Variants in THSD7B observed in about 807,000 individuals in gnomAD.
The protein encoded by THSD7B is thrombospondin type-1 domain-containing protein 7B.
A neutral mutation model predicts 213.6 loss-of-function variants in THSD7B; 138 were observed. The observed-to-expected ratio is 0.65, with a 90% CI of 0.56 to 0.74. The LOEUF is 0.74. Among genes scored for constraint, THSD7B ranks in the 30% least tolerant of loss-of-function variants. THSD7B has a pLI of 0.00. For synonymous variants in THSD7B, 742 were observed against 687.0 expected (o/e 1.08, Z -1.25); for missense variants, 1,931 against 1,991.5 (o/e 0.97, Z 0.58).
intron 2 of THSD7B, among the ~76,000 whole-genome samples, chr2:136,993,573 A>C (rs1345921632): frequency 6.6e-6 from 1 of 152,260 alleles, no homozygotes; most frequent in East Asian, 1.9e-4. Context: ...CACTCAGTAC[A>C]TCAGTACATA....
chr2:137,258,199 G>A (rs992221668), intron 10 of THSD7B, among the ~76,000 whole-genome samples: 3 of 152,102 alleles, frequency 2.0e-5, no homozygotes, highest in African/African-American at 4.8e-5. Context: ...ATCCAACTAC[G>A]TTATGGCTTT....
intron 14 of THSD7B, among the ~76,000 whole-genome samples, chr2:137,425,084 AATAATAATAATAATG>A (rs1191564757): frequency 2.4e-4 from 22 of 91,258 alleles, no homozygotes; most frequent in African/African-American, 6.2e-4. Context: ...AAATAATAAT[AATAATAATAATAATG>A]ATAATAATAA....
rs773458822 is a variant in THSD7B at position 136,779,196 on chromosome 2, A to ATG, written c.-36+13510_-36+13511insGT. Among the ~76,000 whole-genome samples the ATG allele has an allele frequency of 5.0e-3, 675 of 134,354 alleles. 3 individuals carry two copies. The highest frequency in any genetic ancestry group is 7.4e-3 in the Middle Eastern group (2 of 270). 88.1% of individuals were successfully genotyped at this position (134,354 alleles called of 152,430 possible). A position where few individuals can be genotyped will look rare whatever the true frequency, so the allele number is the denominator to read the frequency against. On this transcript the variant is annotated intron_variant, in intron 1 of 27. Coordinates refer to ENST00000409968, the MANE Select transcript of THSD7B (RefSeq NM_001316349.2). ...ACACGTGTTAAAAGGCTATATATATATATGTGTGTGTGTGTGTGTGTGTGT... is the reference window on the plus strand; with the variant it reads ...ACACGTGTTAAAAGGCTATATATATATGTATGTGTGTGTGTGTGTGTGTGTGT...
intron 14 of THSD7B, among the ~76,000 whole-genome samples, chr2:137,413,848 G>C (rs905773642): frequency 3.9e-5 from 6 of 152,132 alleles, no homozygotes; most frequent in Non-Finnish European, 7.4e-5. Context: ...ACTTAAAAGG[G>C]GGAAGGAAGC....
At chr2:137,617,687 G>T (rs1682432541) in intron 18 of THSD7B, among the ~76,000 whole-genome samples, 1 of 152,124 alleles carries the variant, frequency 6.6e-6, no homozygotes, top group African/African-American at 2.4e-5. Flanking sequence ...ATAACAAATT[G>T]CTATAGACTA....
chr2:137,075,117 A>G (rs982466886), intron 3 of THSD7B, among the ~76,000 whole-genome samples: 8 of 151,876 alleles, frequency 5.3e-5, no homozygotes, highest in African/African-American at 1.9e-4. Context: ...TATTTCCTGG[A>G]TTTGAATGTT....
chr2:137,122,633 A>G (rs1377269986), intron 5 of THSD7B, among the ~76,000 whole-genome samples: 1 of 152,144 alleles, frequency 6.6e-6, no homozygotes, highest in Non-Finnish European at 1.5e-5. Context: ...TCAGATCATG[A>G]TATGGTAATA....
intron 1 of THSD7B, among the ~76,000 whole-genome samples, chr2:136,878,790 G>T (rs964937736): frequency 7.2e-5 from 11 of 152,020 alleles, no homozygotes; most frequent in African/African-American, 2.7e-4. Flanking sequence ...AAATTTGTTT[G>T]AGTTCTTTGT....
intron 17 of THSD7B, among the ~76,000 whole-genome samples, chr2:137,591,119 C>A (rs541080504): frequency 6.6e-6 from 1 of 151,680 alleles, no homozygotes; most frequent in African/African-American, 2.4e-5. Flanking sequence ...CTTTGGTAAT[C>A]TATTTTCAAA....
At chr2:137,164,472 C>A (rs1189286519) in intron 6 of THSD7B, among the ~76,000 whole-genome samples, 3 of 152,104 alleles carry the variant, frequency 2.0e-5, no homozygotes, top group Non-Finnish European at 2.9e-5. Context: ...GACACTGTGG[C>A]GATTCCTCAA....
In THSD7B at chr2:136,878,542, A is replaced by C. The variant is rs943635009; in HGVS notation, c.-35-3602A>C. ...AGTTTACAGTCCCACCAACAGTGTAAAAGTGTTCCTATTTCTCCACATCCT... is the reference window on the plus strand; with the variant it reads ...AGTTTACAGTCCCACCAACAGTGTACAAGTGTTCCTATTTCTCCACATCCT... On this transcript the variant is annotated intron_variant, in intron 1 of 27. Coordinates refer to ENST00000409968, the MANE Select transcript of THSD7B (RefSeq NM_001316349.2). 4.6e-5 allele frequency among the ~76,000 whole-genome samples: 7 copies of C among 152,036 alleles called. No homozygotes were observed. The South Asian group carries it at 8.3e-4, about 18-fold the overall frequency.
At chr2:137,141,608 T>A (rs1041685022) in intron 5 of THSD7B, among the ~76,000 whole-genome samples, 17 of 152,058 alleles carry the variant, frequency 1.1e-4, no homozygotes, top group Non-Finnish European at 2.5e-4. Context: ...TGTATTCTGG[T>A]TGTGCAAGAT....
chr2:137,133,491 A>C (rs958035792), intron 5 of THSD7B, among the ~76,000 whole-genome samples: 1 of 152,024 alleles, frequency 6.6e-6, no homozygotes, highest in Non-Finnish European at 1.5e-5. Flanking sequence ...TAAATTACCC[A>C]GGGATTTTTT....
In THSD7B at chr2:137,170,935, C is replaced by A; in HGVS notation, c.1720C>A (p.Arg574Ser). Reference sequence around the variant, plus strand: ...TCTGAAGGCCGTCTGCCAGAATGACCGCGGTATGACCCAGTGACCCACTAG... The same window carrying A: ...TCTGAAGGCCGTCTGCCAGAATGACAGCGGTATGACCCAGTGACCCACTAG... ...RILKAVCQND[R>S]GEDVSGSLCP... Residue 574 changes from arginine (R) to serine (S), a missense_variant, in exon 7 of 28, where the codon CGC becomes AGC. Coordinates refer to ENST00000409968, the MANE Select transcript of THSD7B (RefSeq NM_001316349.2). The A allele has an allele frequency of 6.2e-7, 1 of 1,612,038 alleles. No homozygotes were observed. The highest frequency in any genetic ancestry group is 2.0e-4 in the Middle Eastern group (1 of 5,026).
intron 15 of THSD7B, among the ~76,000 whole-genome samples, chr2:137,469,665 T>C (rs530274334): frequency 2.6e-5 from 4 of 152,278 alleles, no homozygotes; most frequent in South Asian, 2.1e-4. Flanking sequence ...AGATTAATTT[T>C]TAATGCCCTT....
At chr2:137,392,396 C>T (rs187683375) in intron 12 of THSD7B, among the ~76,000 whole-genome samples, 2 of 151,962 alleles carry the variant, frequency 1.3e-5, no homozygotes, top group Non-Finnish European at 2.9e-5. Context: ...TTCTGGAGTT[C>T]TAGTAATATT....
intron 20 of THSD7B, among the ~76,000 whole-genome samples, chr2:137,627,387 G>T (rs1308222898): frequency 6.6e-6 from 1 of 152,160 alleles, no homozygotes; most frequent in East Asian, 1.9e-4. Flanking sequence ...GGGAGGAGAT[G>T]GGAAGAACTG....
chr2:137,126,445 G>GT (rs1406584293), intron 5 of THSD7B, among the ~76,000 whole-genome samples: 1 of 151,914 alleles, frequency 6.6e-6, no homozygotes, highest in East Asian at 1.9e-4. Flanking sequence ...AGCTTTGAAG[G>GT]TTTCCCCCAC....
intron 2 of THSD7B, among the ~76,000 whole-genome samples, chr2:136,934,118 A>G (rs932204582): frequency 6.6e-6 from 1 of 152,186 alleles, no homozygotes; most frequent in Non-Finnish European, 1.5e-5. Flanking sequence ...AGAAAAATCA[A>G]TATCTTATTA....
Sources: gnomAD v4.1 joint callset for allele counts (sites outside exome capture counted in the v4.1 genomes callset) on GRCh38, gnomAD v4.1.1 for gene constraint, MANE v1.5 for transcripts, NCBI Gene and HGNC (gene_info 2026-07-23, HGNC 2026-07-21) for gene names.